Variants in DENND1A observed in about 807,000 individuals in gnomAD.
The protein encoded by DENND1A is DENN domain containing 1A, also known as DENN domain-containing protein 1A.
Under a neutral mutation model 113.7 loss-of-function variants are expected in DENND1A, and 51 were observed. That is an observed-to-expected ratio of 0.45 (90% confidence interval 0.36 to 0.57). The LOEUF (loss-of-function observed/expected upper bound fraction) is 0.57. DENND1A is among the 20% of genes least tolerant of loss of function. The pLI is 0.00. For missense variants in DENND1A, 1,258 were observed against 1,395.9 expected, an observed-to-expected ratio of 0.90 and a Z score of 1.57; for synonymous variants, 565 against 570.8, an observed-to-expected ratio of 0.99 and a Z score of 0.14.
chr9:123,786,764 C>T (rs944237036), intron 3 of DENND1A, among the ~76,000 whole-genome samples: 2 of 152,098 alleles, frequency 1.3e-5, no homozygotes, highest in African/African-American at 4.8e-5. Flanking sequence ...TATATAAGTC[C>T]TTTGGATGAG....
chr9:123,801,507 C>T (rs1834659817), intron 2 of DENND1A, among the ~76,000 whole-genome samples: 1 of 152,200 alleles, frequency 6.6e-6, no homozygotes, highest in African/African-American at 2.4e-5. Context: ...GTAGATACCA[C>T]ATTGCTTATT....
chr9:123,502,850 C>A (rs1337715881), intron 13 of DENND1A, among the ~76,000 whole-genome samples: 1 of 152,126 alleles, frequency 6.6e-6, no homozygotes, highest in Non-Finnish European at 1.5e-5. Flanking sequence ...TATTTTGAGC[C>A]CACTAACTTT....
intron 7 of DENND1A, among the ~76,000 whole-genome samples, chr9:123,668,459 T>A (rs2063597076): frequency 6.6e-6 from 1 of 152,244 alleles, no homozygotes; most frequent in Non-Finnish European, 1.5e-5. Flanking sequence ...GTAAATGTTA[T>A]CTCTAATTCC....
intron 19 of DENND1A, among the ~76,000 whole-genome samples, chr9:123,419,102 G>A (rs571998198): frequency 1.8e-4 from 27 of 152,348 alleles, no homozygotes; most frequent in African/African-American, 5.0e-4. Context: ...ACCGAGGAGC[G>A]GTATAGGTGA....
chr9:123,774,206 C>T (rs1830146866), intron 3 of DENND1A, among the ~76,000 whole-genome samples: 1 of 152,148 alleles, frequency 6.6e-6, no homozygotes, highest in Non-Finnish European at 1.5e-5. Flanking sequence ...CAATTGCAAG[C>T]AGTGCCACTG....
chr9:123,657,555 T>C (rs1055931574), intron 8 of DENND1A, among the ~76,000 whole-genome samples: 3 of 152,170 alleles, frequency 2.0e-5, no homozygotes, highest in Non-Finnish European at 4.4e-5. Context: ...TCGAAACAGA[T>C]GCTAGTCCGC....
chr9:123,670,361 T>C (rs1175970072), intron 7 of DENND1A, among the ~76,000 whole-genome samples: 1 of 152,186 alleles, frequency 6.6e-6, no homozygotes, highest in Admixed American at 6.5e-5. Context: ...ATCTGAGAAT[T>C]CTGATGAAGG....
intron 13 of DENND1A, among the ~76,000 whole-genome samples, chr9:123,532,750 C>A (rs751476047): frequency 5.3e-5 from 8 of 152,188 alleles, no homozygotes; most frequent in Non-Finnish European, 1.0e-4. Context: ...GCACAGAAAA[C>A]CCATCTGCCA....
rs768161570 is a variant in DENND1A at position 123,381,437 on chromosome 9, C to T, written c.3208G>A (p.Glu1070Lys). ...EQLRKQWETF[E>K] The stretch of plus-strand genomic sequence containing the variant: ...CCCCACCCTCAGGGCCCGGCTCACT[C>T]GAAGGTCTCCCACTGCTTCCTGAGC... The change falls in exon 24 of 24, where the codon GAG becomes AAG. Residue 1070 changes from glutamate to lysine, a missense_variant. Around this residue, in one of 2 missense-constraint regions of DENND1A, gnomAD observed 1,159 missense variants for 1,231.7 expected, o/e 0.94. Transcript: ENST00000394215. The surrounding 1 kb of genome is among the most constrained non-coding windows in gnomAD (Gnocchi z 4.7). 3.7e-6 allele frequency: 6 copies of T among 1,612,900 alleles called. No homozygotes were observed. The highest frequency in any genetic ancestry group is 1.7e-5 in the Admixed American group (1 of 60,004).
intron 3 of DENND1A, among the ~76,000 whole-genome samples, chr9:123,776,204 T>C (rs1409683448): frequency 1.3e-5 from 2 of 152,196 alleles, no homozygotes; most frequent in African/African-American, 4.8e-5. Context: ...TAACACATAC[T>C]TCATGTAGTT....
chr9:123,457,836 C>A lies in DENND1A; in HGVS notation c.1055G>T (p.Arg352Met). The A allele has an allele frequency of 6.2e-7, 1 of 1,612,790 alleles. No homozygotes were observed. Among genetic ancestry groups the A allele is most frequent in the East Asian group, 2.2e-5 (1 of 44,828 alleles). Residue 352 changes from arginine to methionine, a missense_variant, in exon 14 of 24, where the codon AGG becomes ATG. Around this residue, in one of 2 missense-constraint regions of DENND1A, gnomAD observed 1,159 missense variants for 1,231.7 expected, o/e 0.94. Transcript: ENST00000394215. ...CTGTGTGGCGTTCTGCAGGAACTGC[C>A]TCATGGCTCCGGAGCGGTAGTGGGA... ...FVSHYRSGAM[R>M]QFLQNATQLQ...
At chr9:123,407,804 G>C (rs1461676141) in intron 20 of DENND1A, among the ~76,000 whole-genome samples, 1 of 152,204 alleles carries the variant, frequency 6.6e-6, no homozygotes, top group Non-Finnish European at 1.5e-5. Flanking sequence ...TAAGTCGGCA[G>C]GGTTAAATGT....
rs545268179 is a variant in DENND1A at position 123,888,948 on chromosome 9, G to A, written c.18-9927C>T. 6.0e-4 allele frequency among the ~76,000 whole-genome samples: 86 copies of A among 143,848 alleles called. 1 individual carries two copies. In the South Asian group the frequency reaches 0.013, roughly 22 times the overall value. 94.4% of individuals were successfully genotyped at this position (143,848 alleles called of 152,430 possible). A position where few individuals can be genotyped will look rare whatever the true frequency, so the allele number is the denominator to read the frequency against. On this transcript the variant is annotated intron_variant, in intron 1 of 23. Transcript: ENST00000394215. ...TGATGATGCATCAGGTCAATACCGT[G>A]CTTTAAACTGTGTGTGTGTGTGTGT...
chr9:123,424,652 T>C (rs550375072), intron 19 of DENND1A, among the ~76,000 whole-genome samples: 197 of 152,266 alleles, frequency 1.3e-3, no homozygotes, highest in African/African-American at 4.7e-3. Flanking sequence ...CCACCTGGGG[T>C]GGGGAGAGCC....
chr9:123,654,079 C>A (rs1446273672), intron 8 of DENND1A, among the ~76,000 whole-genome samples: 2 of 152,198 alleles, frequency 1.3e-5, no homozygotes, highest in Non-Finnish European at 2.9e-5. Flanking sequence ...ACACCAAAGG[C>A]AGTCGGAAGG....
At chr9:123,578,529 G>A (rs894354341) in intron 12 of DENND1A, among the ~76,000 whole-genome samples, 14 of 152,310 alleles carry the variant, frequency 9.2e-5, no homozygotes, top group African/African-American at 2.6e-4. Flanking sequence ...ATAGGCATGA[G>A]CCACCATGTC....
intron 11 of DENND1A, among the ~76,000 whole-genome samples, chr9:123,602,882 C>T (rs2059994816): frequency 6.6e-6 from 1 of 152,184 alleles, no homozygotes; most frequent in Admixed American, 6.5e-5. Flanking sequence ...GATGAGGTCT[C>T]ACTGTGTTGC....
At position 123,381,168 on chromosome 9, in the gene DENND1A, A is replaced by C. The variant is rs1199551634; in HGVS notation, c.*264T>G. On this transcript the variant is annotated 3_prime_UTR_variant, in exon 24 of 24. Coordinates refer to ENST00000394215, the MANE Select transcript of DENND1A (RefSeq NM_001352964.2). The surrounding 1 kb of genome is among the most constrained non-coding windows in gnomAD (Gnocchi z 4.7). ...AGCTGACCTCTTTAGTGCAAAACCC[A>C]ATCAAGGGTGCCGAGGAGAGGCAAC... The C allele has an allele frequency of 5.7e-6, 3 of 525,004 alleles. No individual in the cohort carries two copies. The highest frequency in any genetic ancestry group is 6.6e-5 in the Admixed American group (2 of 30,266). 32.5% of individuals were successfully genotyped at this position (525,004 alleles called of 1,614,324 possible).
chr9:123,653,386 G>A (rs2062762382), intron 8 of DENND1A, among the ~76,000 whole-genome samples: 1 of 152,164 alleles, frequency 6.6e-6, no homozygotes, highest in African/African-American at 2.4e-5. Flanking sequence ...CCAATATAAA[G>A]TCTGGGAGAG....
Sources: gnomAD v4.1 joint callset for allele counts (sites outside exome capture counted in the v4.1 genomes callset) on GRCh38, gnomAD v4.1.1 for gene constraint, gnomAD v4.1.1 regional missense constraint, Gnocchi (gnomAD v3.1) non-coding constraint, MANE v1.5 for transcripts, NCBI Gene and HGNC (gene_info 2026-07-23, HGNC 2026-07-21) for gene names.